The following CFAP77 variants were observed in gnomAD, a reference collection of about 807,000 sequenced individuals.
CFAP77 encodes cilia and flagella associated protein 77, also known as cilia- and flagella-associated protein 77.
Under a neutral mutation model 31.1 loss-of-function variants are expected in CFAP77, and 25 were observed. The observed-to-expected ratio is 0.80, with a 90% CI of 0.59 to 1.12. CFAP77 has a LOEUF of 1.12. Ranked by LOEUF, CFAP77 falls within the 50% of genes most tolerant of loss-of-function variation. The probability of loss-of-function intolerance (pLI) is 0.00; values close to 1 mark genes in which losing one functional copy is unlikely to be tolerated. For missense variants in CFAP77, 377 were observed against 397.3 expected (o/e 0.95, Z 0.44); for synonymous variants, 151 against 159.9 (o/e 0.94, Z 0.42).
chr9:132,514,220 C>T (rs1331236005), intron 3 of CFAP77, among the ~76,000 whole-genome samples: 1 of 150,924 alleles, frequency 6.6e-6, no homozygotes, highest in Non-Finnish European at 1.5e-5. Context: ...AGGGGACGCC[C>T]CCTTCCCTGT....
chr9:132,531,865 C>T lies in CFAP77; in HGVS notation c.525-5736C>T, dbSNP rs116203650. Among the ~76,000 whole-genome samples, 1,470 of 152,192 alleles carry T rather than the reference C, an allele frequency of 9.7e-3. 24 individuals are homozygous for T. The highest frequency in any genetic ancestry group is 0.034 in the African/African-American group (1,392 of 41,498). Reference sequence around the variant, plus strand: ...TTTCCCAGTAATAAGAGCTGCTGGCCGGAGCTAGACATGAGGATGTCAGCC... The same window carrying T: ...TTTCCCAGTAATAAGAGCTGCTGGCTGGAGCTAGACATGAGGATGTCAGCC... On this transcript the variant is annotated intron_variant, in intron 3 of 5. Transcript: ENST00000393216.
At chr9:132,449,438 T>G (rs563248576) in intron 1 of CFAP77, among the ~76,000 whole-genome samples, 1 of 151,330 alleles carries the variant, frequency 6.6e-6, no homozygotes, top group Non-Finnish European at 1.5e-5. Flanking sequence ...TACACAGGTT[T>G]TTTTTTTTTT....
chr9:132,411,643 G>A (rs1178900141), intron 1 of CFAP77, among the ~76,000 whole-genome samples: 1 of 152,190 alleles, frequency 6.6e-6, no homozygotes, highest in African/African-American at 2.4e-5. Flanking sequence ...GAGCCACTCT[G>A]AGTGGACAGG....
At position 132,545,905 on chromosome 9, in the gene CFAP77, C is replaced by T. The variant is rs1163639117; in HGVS notation, c.732+2858C>T. 6.6e-6 allele frequency among the ~76,000 whole-genome samples: 1 copy of T among 152,100 alleles called. No individual in the cohort carries two copies. The highest frequency in any genetic ancestry group is 1.5e-5 in the Non-Finnish European group (1 of 68,032). On this transcript the variant is annotated intron_variant, in intron 5 of 5. Transcript: ENST00000393216. The surrounding 1 kb of genome is among the most constrained non-coding windows in gnomAD (Gnocchi z 4.6). ...CACCTCCAGGCCCCACCCACAGGTC[C>T]CCATTCTCACCACCAAGGGATCCTT...
At chr9:132,504,209 C>G (rs749000429) in intron 3 of CFAP77, among the ~76,000 whole-genome samples, 3 of 152,208 alleles carry the variant, frequency 2.0e-5, no homozygotes, top group African/African-American at 7.2e-5. Context: ...AGTTGTCAGG[C>G]TCCCCATCCA....
Position 132,429,656 on chromosome 9 carries a change from A to G in CFAP77, c.195+19190A>G, listed in dbSNP as rs367635041. 4.2e-4 allele frequency among the ~76,000 whole-genome samples: 63 copies of G among 150,894 alleles called. 1 individual carries two copies. The East Asian group carries it at 0.012, about 28-fold the overall frequency. On this transcript the variant is annotated intron_variant, in intron 1 of 5. Transcript: ENST00000393216. The stretch of plus-strand genomic sequence containing the variant: ...TCAGGAGATCAAGACCATCCTGGCT[A>G]ACACGGCGAAACCCCGTCTCTACTA...
chr9:132,427,820 C>T (rs1322025899), intron 1 of CFAP77, among the ~76,000 whole-genome samples: 1 of 152,102 alleles, frequency 6.6e-6, no homozygotes, highest in African/African-American at 2.4e-5. Flanking sequence ...ACAACTGTCT[C>T]CTGCAGTATC....
At chr9:132,535,570 G>A (rs1852527757) in intron 3 of CFAP77, among the ~76,000 whole-genome samples, 1 of 152,120 alleles carries the variant, frequency 6.6e-6, no homozygotes, top group African/African-American at 2.4e-5. Flanking sequence ...AAAATTAGCT[G>A]GGTGTGGTGG....
intron 3 of CFAP77, among the ~76,000 whole-genome samples, chr9:132,513,796 A>T (rs1296268592): frequency 6.6e-6 from 1 of 152,178 alleles, no homozygotes; most frequent in Admixed American, 6.5e-5. Flanking sequence ...GGTTGGAATG[A>T]GACCTCCTCT....
At chr9:132,519,844 ATGGG>A (rs1231205449) in intron 3 of CFAP77, among the ~76,000 whole-genome samples, 8 of 93,300 alleles carry the variant, frequency 8.6e-5, no homozygotes, top group Non-Finnish European at 1.3e-4. Flanking sequence ...GGATGGATGG[ATGGG>A]TGGGTGGGTG....
In CFAP77 at chr9:132,511,235, T is replaced by G. The variant is rs149001531; in HGVS notation, c.524+11635T>G. Among the ~76,000 whole-genome samples, 21 of 152,176 alleles carry G rather than the reference T, an allele frequency of 1.4e-4. No individual in the cohort carries two copies. The highest frequency in any genetic ancestry group is 3.4e-3 in the Middle Eastern group (1 of 294). On this transcript the variant is annotated intron_variant, in intron 3 of 5. Coordinates refer to ENST00000393216, the MANE Select transcript of CFAP77 (RefSeq NM_001282957.2). This position sits in a 1 kb window ranked among gnomAD's most constrained non-coding sequence, Gnocchi z 5.8. ...GGGTCTGCTGAGACTTGACTCTGAC[T>G]CCCCCAAGCTAAACCTCCTTCAGTC... is the stretch of plus-strand genomic sequence containing the variant.
chr9:132,513,489 C>A, intron 3 of CFAP77: 2 of 1,069,838 alleles, frequency 1.9e-6, no homozygotes, highest in Non-Finnish European at 2.6e-6. Flanking sequence ...AGCACGCATG[C>A]TTTCCACCCA....
rs145957603 is a variant in CFAP77, at chr9:132,499,419, G to A, written c.343G>A (p.Glu115Lys). 463 of 1,614,184 alleles carry A rather than the reference G, an allele frequency of 2.9e-4. 1 individual carries two copies. The highest frequency in any genetic ancestry group is 8.2e-4 in the Middle Eastern group (5 of 6,062). ...VFKQQPTCPH[E>K]LTRNYIAMNR... is the part of the protein sequence containing the mutation. ...CAAGCAGCAGCCCACCTGCCCCCAC[G>A]AGCTGACCCGGAATTATATCGCAAT... The change falls in exon 3 of 6, where the codon GAG becomes AAG. Residue 115 changes from glutamate to lysine, a missense_variant. Physicochemically the swap from Glu to Lys is moderately conservative, Grantham distance 56. Transcript: ENST00000393216. The surrounding 1 kb of genome is among the most constrained non-coding windows in gnomAD (Gnocchi z 5.4).
intron 1 of CFAP77, chr9:132,482,445 T>C: frequency 2.5e-6 from 4 of 1,581,552 alleles, no homozygotes; most frequent in Non-Finnish European, 3.5e-6. Flanking sequence ...TAAAATAATG[T>C]CACCCTGGAG....
rs575862881 is a variant in CFAP77 at position 132,556,609 on chromosome 9, GA to G, written c.732+13563del. ...CCCCGAGCCCCATCACACAGAGGGA[GA>G]GGGGGGTGGCAGCTTGGGGGAGCCG... On this transcript the variant is annotated intron_variant, in intron 5 of 5. Coordinates refer to ENST00000393216, the MANE Select transcript of CFAP77 (RefSeq NM_001282957.2). 1.9e-3 allele frequency among the ~76,000 whole-genome samples: 283 copies of G among 152,344 alleles called. 2 individuals carry two copies. The East Asian group carries it at 0.021, about 11-fold the overall frequency.
chr9:132,421,018 TTTTTTTTGA>T (rs1564197988), intron 1 of CFAP77, among the ~76,000 whole-genome samples: 1 of 145,716 alleles, frequency 6.9e-6, no homozygotes, highest in Admixed American at 6.9e-5. Flanking sequence ...TTTTTTTTTT[TTTTTTTTGA>T]GACAGAGTCT....
intron 3 of CFAP77, among the ~76,000 whole-genome samples, chr9:132,502,968 T>C (rs1269031174): frequency 1.3e-5 from 2 of 152,092 alleles, no homozygotes; most frequent in African/African-American, 4.8e-5. Flanking sequence ...ATTGAGTAGG[T>C]GGGAAAACCT....
intron 1 of CFAP77, among the ~76,000 whole-genome samples, chr9:132,494,899 C>A (rs1289491961): frequency 6.6e-6 from 1 of 152,134 alleles, no homozygotes. Context: ...TTTGTAGTAA[C>A]TCTTTATATA....
Position 132,552,321 on chromosome 9 carries a change from A to G in CFAP77, c.732+9274A>G, listed in dbSNP as rs977867061. Among the ~76,000 whole-genome samples, 6 of 152,246 alleles carry G rather than the reference A, an allele frequency of 3.9e-5. No homozygotes were observed. The highest frequency in any genetic ancestry group is 9.6e-5 in the African/African-American group (4 of 41,466). On this transcript the variant is annotated intron_variant, in intron 5 of 5. Coordinates refer to ENST00000393216, the MANE Select transcript of CFAP77 (RefSeq NM_001282957.2). The surrounding 1 kb of genome is among the most constrained non-coding windows in gnomAD (Gnocchi z 5.5). ...AGCAACAAAGCCTCTGGGAGGGACG[A>G]GGCCCTGGAAGCTGCTCCTTTAGAT...
Sources: gnomAD v4.1 joint callset for allele counts (sites outside exome capture counted in the v4.1 genomes callset) on GRCh38, gnomAD v4.1.1 for gene constraint, Gnocchi (gnomAD v3.1) non-coding constraint, MANE v1.5 for transcripts, NCBI Gene and HGNC (gene_info 2026-07-23, HGNC 2026-07-21) for gene names.